KCNIP1: variants seen among roughly 807,000 people sequenced by gnomAD.
KCNIP1 encodes the protein A-type potassium channel modulatory protein KCNIP1.
KCNIP1 carries 18 observed loss-of-function variants against 33.0 expected under a neutral mutation model. The ratio of observed to expected loss-of-function variants is 0.55; its 90% confidence interval spans 0.38 to 0.81. The LOEUF (loss-of-function observed/expected upper bound fraction) is 0.81. Among genes scored for constraint, KCNIP1 ranks in the 30% least tolerant of loss-of-function variants. The probability of loss-of-function intolerance (pLI) is 0.00; values close to 1 mark genes in which losing one functional copy is unlikely to be tolerated. For synonymous variants in KCNIP1, 93 were observed against 98.3 expected (o/e 0.95, Z 0.32); for missense variants, 238 against 271.6 (o/e 0.88, Z 0.87).
At chr5:170,731,940 G>C (rs1474299622) in intron 5 of KCNIP1, among the ~76,000 whole-genome samples, 1 of 146,690 alleles carries the variant, frequency 6.8e-6, no homozygotes, top group African/African-American at 2.5e-5. Flanking sequence ...CTGTAGTTTA[G>C]TTAATAATAG....
At chr5:170,481,554 C>G (rs1756976857) in intron 1 of KCNIP1, among the ~76,000 whole-genome samples, 3 of 152,200 alleles carry the variant, frequency 2.0e-5, no homozygotes, top group Admixed American at 2.0e-4. Context: ...CAATGAGATA[C>G]TTAACATTTT....
At chr5:170,500,797 A>G (rs1757395617), upstream of KCNIP1, among the ~76,000 whole-genome samples, 2 of 152,228 alleles carry the variant, frequency 1.3e-5, no homozygotes, top group South Asian at 4.1e-4. Flanking sequence ...GCAGGAATAA[A>G]TGAGCTATTG....
chr5:170,405,478 A>G (rs1489646506), intron 1 of KCNIP1, among the ~76,000 whole-genome samples: 1 of 152,220 alleles, frequency 6.6e-6, no homozygotes, highest in African/African-American at 2.4e-5. Flanking sequence ...TGCTGGGATT[A>G]TCAGCCTGAG....
At chr5:170,632,522 A>C (rs1760091224) in intron 1 of KCNIP1, among the ~76,000 whole-genome samples, 1 of 152,248 alleles carries the variant, frequency 6.6e-6, no homozygotes, top group East Asian at 1.9e-4. Context: ...GAGGAGGAGC[A>C]GCGCGGCTCT....
At chr5:170,621,373 G>A (rs1759595312) in intron 1 of KCNIP1, among the ~76,000 whole-genome samples, 1 of 152,120 alleles carries the variant, frequency 6.6e-6, no homozygotes, top group Non-Finnish European at 1.5e-5. Flanking sequence ...CCTCAGTGGA[G>A]CAGATGCAGC....
At chr5:170,567,009 T>C (rs750014145) in intron 1 of KCNIP1, among the ~76,000 whole-genome samples, 9 of 152,210 alleles carry the variant, frequency 5.9e-5, no homozygotes, top group Non-Finnish European at 1.2e-4. Flanking sequence ...TGGGCAGAGC[T>C]GTTACCTAGA....
chr5:170,731,693 CAAAAAA>C (rs1162447420), intron 5 of KCNIP1, among the ~76,000 whole-genome samples: 7 of 96,772 alleles, frequency 7.2e-5, no homozygotes, highest in African/African-American at 2.0e-4. Context: ...GAACCTGTCT[CAAAAAA>C]AAAAAAAAAG....
chr5:170,623,947 A>G (rs906536851), intron 1 of KCNIP1, among the ~76,000 whole-genome samples: 2 of 152,170 alleles, frequency 1.3e-5, no homozygotes, highest in African/African-American at 4.8e-5. Context: ...CTCCACGCCC[A>G]GCCAGCCCCA....
intron 1 of KCNIP1, among the ~76,000 whole-genome samples, chr5:170,371,347 G>A (rs1179768444): frequency 6.6e-6 from 1 of 152,170 alleles, no homozygotes. Context: ...CTTCAGAGGT[G>A]TGGCCCCAGG....
At position 170,516,808 on chromosome 5, in the gene KCNIP1, A is replaced by C. The variant is rs138792219; in HGVS notation, c.61+12175A>C. Among the ~76,000 whole-genome samples, 301 of 152,364 alleles carry C rather than the reference A, an allele frequency of 2.0e-3. 1 individual carries two copies. Among genetic ancestry groups the C allele is most frequent in the African/African-American group, 7.1e-3 (294 of 41,590 alleles). The stretch of plus-strand genomic sequence containing the variant: ...CTTCTTCATCTGTTAAACAATAACA[A>C]TCATGGTATCAATTCATTGGATTGT... On this transcript the variant is annotated intron_variant, in intron 1 of 7. Transcript: ENST00000328939.
intron 1 of KCNIP1, among the ~76,000 whole-genome samples, chr5:170,585,446 C>T (rs1460827617): frequency 6.6e-6 from 1 of 152,138 alleles, no homozygotes; most frequent in Non-Finnish European, 1.5e-5. Context: ...TGTATTTTCC[C>T]CGAAGCCTCT....
intron 1 of KCNIP1, among the ~76,000 whole-genome samples, chr5:170,385,158 G>A (rs1215485608): frequency 3.3e-5 from 5 of 152,156 alleles, no homozygotes; most frequent in Non-Finnish European, 5.9e-5. Flanking sequence ...TACCTTCCCT[G>A]CACTTGAACC....
intron 1 of KCNIP1, among the ~76,000 whole-genome samples, chr5:170,621,259 A>C (rs923810893): frequency 6.6e-6 from 1 of 152,220 alleles, no homozygotes. Context: ...GCCAGTAGGC[A>C]TTTGATCAAT....
rs58712710 is a variant in KCNIP1, at chr5:170,679,626, A to AGTGTGTGTGTGT, written c.62-39107_62-39096dup. 8.5e-3 allele frequency among the ~76,000 whole-genome samples: 1,233 copies of AGTGTGTGTGTGT among 144,476 alleles called. 11 individuals carry two copies. Among genetic ancestry groups the AGTGTGTGTGTGT allele is most frequent in the African/African-American group, 0.019 (756 of 38,834 alleles). The allele number at this position is 144,476 out of a possible 152,430, so 94.8% of individuals were successfully genotyped here. The stretch of plus-strand genomic sequence containing the variant: ...TTTGGAAATATTTTATGTATATGAC[A>AGTGTGTGTGTGT]GTGTGTGTGTGTGTGTGTGTGTGTG... On this transcript the variant is annotated intron_variant, in intron 1 of 7. Transcript: ENST00000328939.
At chr5:170,572,095 T>A (rs1165569845) in intron 1 of KCNIP1, among the ~76,000 whole-genome samples, 1 of 152,090 alleles carries the variant, frequency 6.6e-6, no homozygotes. Context: ...ACCGAGCCTG[T>A]CTAAAGAGGC....
At chr5:170,425,332 C>T (rs1416910471) in intron 1 of KCNIP1, among the ~76,000 whole-genome samples, 1 of 152,160 alleles carries the variant, frequency 6.6e-6, no homozygotes, top group Non-Finnish European at 1.5e-5. Flanking sequence ...GTTGGGTGAA[C>T]CCTGACCTGG....
At chr5:170,625,242 G>A (rs958530533) in intron 1 of KCNIP1, among the ~76,000 whole-genome samples, 11 of 152,200 alleles carry the variant, frequency 7.2e-5, no homozygotes, top group African/African-American at 1.9e-4. Flanking sequence ...CAGGGCACAC[G>A]TGTGCACACG....
chr5:170,561,657 A>G (rs1414776136), intron 1 of KCNIP1, among the ~76,000 whole-genome samples: 1 of 152,204 alleles, frequency 6.6e-6, no homozygotes, highest in Non-Finnish European at 1.5e-5. Context: ...CCAGGTTCCC[A>G]TCTCTTCATC....
chr5:170,377,200 G>A (rs113923255), intron 1 of KCNIP1: 3,752 of 152,296 alleles, frequency 0.025, 102 homozygotes, highest in African/African-American at 0.061. Context: ...TTCCTACACC[G>A]GTAGTTCTCT....
Sources: allele counts gnomAD v4.1 joint callset (sites outside exome capture counted in the v4.1 genomes callset), GRCh38; gene constraint gnomAD v4.1.1; transcripts MANE v1.5; gene names NCBI Gene and HGNC (gene_info 2026-07-23, HGNC 2026-07-21).